The following SPHKAP variants were observed in gnomAD, a reference collection of about 807,000 sequenced individuals.
SPHKAP encodes the protein A-kinase anchor protein SPHKAP.
A neutral mutation model predicts 137.5 loss-of-function variants in SPHKAP; 67 were observed. That is an observed-to-expected ratio of 0.49 (90% CI 0.40 to 0.60). The LOEUF (loss-of-function observed/expected upper bound fraction) is 0.60. Among genes scored for constraint, SPHKAP ranks in the 20% least tolerant of loss-of-function variants. The pLI is 0.00. For missense variants in SPHKAP, 2,097 were observed against 2,069.3 expected (o/e 1.01, Z -0.26); for synonymous variants, 813 against 785.3 (o/e 1.04, Z -0.59).
intron 3 of SPHKAP, among the ~76,000 whole-genome samples, chr2:228,075,286 AAATGAGT>A (rs1162396758): frequency 2.6e-5 from 4 of 152,342 alleles, no homozygotes; most frequent in African/African-American, 9.6e-5. Flanking sequence ...TTGTTTCTCA[AAATGAGT>A]AACACCTTAG....
intron 1 of SPHKAP, among the ~76,000 whole-genome samples, chr2:228,146,593 G>A (rs1699782358): frequency 6.6e-6 from 1 of 152,046 alleles, no homozygotes; most frequent in East Asian, 1.9e-4. Context: ...AACACCATTG[G>A]CTGTTGTTTC....
At chr2:228,100,602 G>T (rs1698157236) in intron 3 of SPHKAP, among the ~76,000 whole-genome samples, 1 of 144,924 alleles carries the variant, frequency 6.9e-6, no homozygotes, top group African/African-American at 2.5e-5. Context: ...TGAGATGATA[G>T]TATGGTTTTC....
chr2:228,016,428 C>CGGCTG lies in SPHKAP; in HGVS notation c.4421_4425dup (p.Val1476GlnfsTer3). On this transcript the variant is annotated frameshift_variant, in exon 7 of 12. Transcript: ENST00000392056. LOFTEE classifies it high-confidence loss of function. ...CACCTATGGATTTGACAAGCGCTCACGGCTGTGTCTCCACCTCTCACCACA... is the reference window on the plus strand; with the variant it reads ...CACCTATGGATTTGACAAGCGCTCACGGCTGGGCTGTGTCTCCACCTCTCACCACA... 6.2e-7 allele frequency: 1 copy of CGGCTG among 1,602,998 alleles called. No individual in the cohort carries two copies. The highest frequency in any genetic ancestry group is 1.1e-5 in the South Asian group (1 of 89,426).
rs576125919 is a variant in SPHKAP, at chr2:228,163,971, T to G, written c.32+17596A>C. On this transcript the variant is annotated intron_variant, in intron 1 of 11. Transcript: ENST00000392056. ...TTGTTCTTGGGTGTGCCTGTGAGGG[T>G]GTTGCCAGAGGGGATTGATATTTGG... Among the ~76,000 whole-genome samples, 139 of 151,988 alleles carry G rather than the reference T, an allele frequency of 9.1e-4. 1 individual carries two copies. The highest frequency in any genetic ancestry group is 1.7e-3 in the Non-Finnish European group (118 of 67,944).
rs942465876 is a variant in SPHKAP at position 228,083,226 on chromosome 2, C to T, written c.246+25606G>A. Among the ~76,000 whole-genome samples, 6 of 152,312 alleles carry T rather than the reference C, an allele frequency of 3.9e-5. No individual in the cohort carries two copies. In the East Asian group the frequency reaches 7.7e-4, roughly 20 times the overall value. On this transcript the variant is annotated intron_variant, in intron 3 of 11. Coordinates refer to ENST00000392056, the MANE Select transcript of SPHKAP (RefSeq NM_001142644.2). Reference sequence around the variant, plus strand: ...TCACTCTTCCTACACATTTCTAAGCCTGAGTAAAACAATGGGCAGTGTCTT... The same window carrying T: ...TCACTCTTCCTACACATTTCTAAGCTTGAGTAAAACAATGGGCAGTGTCTT...
At chr2:228,014,024 C>T (rs1299726398) in intron 7 of SPHKAP, among the ~76,000 whole-genome samples, 1 of 152,118 alleles carries the variant, frequency 6.6e-6, no homozygotes, top group Non-Finnish European at 1.5e-5. Flanking sequence ...TTTATTCATA[C>T]ATATTTCCAG....
At chr2:228,111,026 T>C (rs1418021575) in intron 2 of SPHKAP, among the ~76,000 whole-genome samples, 1 of 152,200 alleles carries the variant, frequency 6.6e-6, no homozygotes, top group Non-Finnish European at 1.5e-5. Context: ...AAACGAGAGT[T>C]TCTTGAGGTC....
chr2:228,119,412 T>C (rs1698833836), intron 2 of SPHKAP, among the ~76,000 whole-genome samples: 1 of 150,386 alleles, frequency 6.6e-6, no homozygotes, highest in Non-Finnish European at 1.5e-5. Context: ...AATTAATGCT[T>C]AATTGCTGAC....
At chr2:228,111,916 ATTTT>A (rs1698530244) in intron 2 of SPHKAP, among the ~76,000 whole-genome samples, 2 of 152,000 alleles carry the variant, frequency 1.3e-5, no homozygotes, top group South Asian at 4.1e-4. Context: ...ATAAAACTAC[ATTTT>A]CTTATGGACT....
chr2:228,032,487 T>C (rs984057481), intron 3 of SPHKAP, among the ~76,000 whole-genome samples: 1 of 152,126 alleles, frequency 6.6e-6, no homozygotes, highest in Admixed American at 6.5e-5. Context: ...ACTTCCCCAA[T>C]CTAGCAAGGC....
chr2:228,060,447 G>C (rs1231016588), intron 3 of SPHKAP, among the ~76,000 whole-genome samples: 1 of 152,142 alleles, frequency 6.6e-6, no homozygotes, highest in Non-Finnish European at 1.5e-5. Context: ...ACTTGGAAAT[G>C]AGAAAACAGA....
chr2:228,016,290 G>A, intron 7 of SPHKAP, 116 bp downstream of exon 7: 1 of 1,384,194 alleles, frequency 7.2e-7, no homozygotes, highest in East Asian at 2.5e-5. Flanking sequence ...TTTTGGTCTT[G>A]AAAATTTAGT....
At chr2:228,029,823 GAGA>G (rs1196915449) in intron 3 of SPHKAP, among the ~76,000 whole-genome samples, 2 of 152,152 alleles carry the variant, frequency 1.3e-5, no homozygotes, top group Non-Finnish European at 2.9e-5. Context: ...TTGAATTGAT[GAGA>G]AGATTTTCCA....
intron 1 of SPHKAP, among the ~76,000 whole-genome samples, chr2:228,148,653 C>T (rs149538436): frequency 2.4e-4 from 36 of 152,178 alleles, no homozygotes; most frequent in Non-Finnish European, 4.7e-4. Flanking sequence ...CCACAACCAA[C>T]CTGGATTCCT....
intron 3 of SPHKAP, among the ~76,000 whole-genome samples, chr2:228,104,044 A>G (rs1698257383): frequency 6.6e-6 from 1 of 151,860 alleles, no homozygotes; most frequent in Non-Finnish European, 1.5e-5. Context: ...GATCCTCTGC[A>G]CTCATTGCAA....
At chr2:228,115,948 A>G (rs1698697585) in intron 2 of SPHKAP, among the ~76,000 whole-genome samples, 1 of 152,110 alleles carries the variant, frequency 6.6e-6, no homozygotes, top group Non-Finnish European at 1.5e-5. Flanking sequence ...GTGCCCTTAT[A>G]AAAAAAGGCT....
At chr2:228,132,293 C>T (rs66910205) in intron 1 of SPHKAP, among the ~76,000 whole-genome samples, 52,019 of 152,006 alleles carry the variant, frequency 0.34, 9,171 homozygotes, top group East Asian at 0.51. Flanking sequence ...CCTACTGTGA[C>T]CATGAAAGTA....
chr2:228,096,339 G>A (rs1251083944), intron 3 of SPHKAP, among the ~76,000 whole-genome samples: 4 of 152,072 alleles, frequency 2.6e-5, no homozygotes, highest in African/African-American at 9.7e-5. Flanking sequence ...TTTTCATGAA[G>A]TAAACTGCTT....
chr2:228,128,273 T>C (rs1296921996), intron 2 of SPHKAP, among the ~76,000 whole-genome samples: 2 of 152,218 alleles, frequency 1.3e-5, no homozygotes, highest in African/African-American at 4.8e-5. Context: ...TCCTTTGTTG[T>C]CATTTCACAA....
Sources: gnomAD v4.1 joint callset for allele counts (sites outside exome capture counted in the v4.1 genomes callset) on GRCh38, gnomAD v4.1.1 for gene constraint, MANE v1.5 for transcripts, NCBI Gene and HGNC (gene_info 2026-07-23, HGNC 2026-07-21) for gene names.